Variants in SLC7A14 observed in about 807,000 individuals in gnomAD.
SLC7A14 encodes the protein gamma-aminobutyric acid transporter SLC7A14.
In SLC7A14, 37 loss-of-function variants were observed where a neutral mutation model predicts 60.2. The observed-to-expected ratio is 0.61, with a 90% CI of 0.47 to 0.81. The LOEUF is 0.81. Among genes scored for constraint, SLC7A14 ranks in the 30% least tolerant of loss-of-function variants. The pLI is 0.00. For synonymous variants in SLC7A14, 399 were observed against 395.8 expected, an observed-to-expected ratio of 1.01 and a Z score of -0.10; for missense variants, 886 against 982.7, an observed-to-expected ratio of 0.90 and a Z score of 1.32.
intron 7 of SLC7A14, among the ~76,000 whole-genome samples, chr3:170,469,823 A>G (rs1739834471): frequency 6.6e-6 from 1 of 151,798 alleles, no homozygotes; most frequent in Non-Finnish European, 1.5e-5. Flanking sequence ...TCATTTCCCT[A>G]CTGAACTTAA....
intron 7 of SLC7A14, among the ~76,000 whole-genome samples, chr3:170,470,618 CT>C (rs1365383353): frequency 6.6e-6 from 1 of 151,246 alleles, no homozygotes; most frequent in African/African-American, 2.4e-5. Context: ...GTGTGTCTAT[CT>C]TTCTTGCTGG....
chr3:170,566,583 C>T (rs769100278), intron 1 of SLC7A14, among the ~76,000 whole-genome samples: 6 of 152,236 alleles, frequency 3.9e-5, no homozygotes, highest in Non-Finnish European at 8.8e-5. Flanking sequence ...ATCCATCCCA[C>T]TCACTGTTGT....
chr3:170,472,561 C>T (rs1034995753), intron 7 of SLC7A14, among the ~76,000 whole-genome samples: 7 of 151,986 alleles, frequency 4.6e-5, no homozygotes, highest in Admixed American at 2.0e-4. Context: ...GTCAGGAGAT[C>T]GAGACCATCC....
intron 2 of SLC7A14, among the ~76,000 whole-genome samples, chr3:170,523,508 T>G (rs1291080463): frequency 6.6e-6 from 1 of 152,208 alleles, no homozygotes; most frequent in African/African-American, 2.4e-5. Flanking sequence ...TTCAGCACAG[T>G]TTAGTCTTCC....
Position 170,480,691 on chromosome 3 carries a change from T to A in SLC7A14, c.1591A>T (p.Ile531Phe), listed in dbSNP as rs768895376. Reference sequence around the variant, plus strand: ...GGCCCAATCAGCTTCTTTAACTTGATGAGATAAATATTTTCGGATTCATCA... The same window carrying A: ...GGCCCAATCAGCTTCTTTAACTTGAAGAGATAAATATTTTCGGATTCATCA... ...EADESENIYL[I>F]KLKKLIGPHY... Residue 531 changes from isoleucine (I) to phenylalanine (F), a missense_variant, in exon 7 of 8, where the codon ATC (isoleucine) becomes TTC (phenylalanine). Coordinates refer to ENST00000231706, the MANE Select transcript of SLC7A14 (RefSeq NM_020949.3). 6.2e-7 allele frequency: 1 copy of A among 1,613,944 alleles called. No homozygotes were observed. The highest frequency in any genetic ancestry group is 1.3e-5 in the African/African-American group (1 of 75,042).
At chr3:170,512,472 A>G (rs1713008710) in intron 2 of SLC7A14, among the ~76,000 whole-genome samples, 2 of 152,136 alleles carry the variant, frequency 1.3e-5, no homozygotes. Context: ...GGAGGCTTGC[A>G]GGAGAGAATC....
chr3:170,548,287 C>T (rs1336279382), intron 1 of SLC7A14, among the ~76,000 whole-genome samples: 1 of 152,038 alleles, frequency 6.6e-6, no homozygotes, highest in East Asian at 1.9e-4. Context: ...CCCAGTGCTT[C>T]TAGGTATTTT....
At chr3:170,580,107 T>C (rs1715196660) in intron 1 of SLC7A14, among the ~76,000 whole-genome samples, 1 of 152,120 alleles carries the variant, frequency 6.6e-6, no homozygotes, top group African/African-American at 2.4e-5. Flanking sequence ...GATAGACGAG[T>C]GTATGGCATG....
At chr3:170,556,984 G>T (rs546166218) in intron 1 of SLC7A14, among the ~76,000 whole-genome samples, 1 of 152,060 alleles carries the variant, frequency 6.6e-6, no homozygotes, top group Non-Finnish European at 1.5e-5. Flanking sequence ...AAAGTGGTGC[G>T]CATGAGGCTT....
intron 2 of SLC7A14, among the ~76,000 whole-genome samples, chr3:170,515,013 C>A (rs1414745853): frequency 1.3e-5 from 2 of 152,078 alleles, no homozygotes; most frequent in African/African-American, 2.4e-5. Flanking sequence ...ACATAACCCA[C>A]CTTGAAAATA....
At chr3:170,568,842 A>G (rs1714866727) in intron 1 of SLC7A14, among the ~76,000 whole-genome samples, 1 of 152,126 alleles carries the variant, frequency 6.6e-6, no homozygotes, top group African/African-American at 2.4e-5. Flanking sequence ...AATGCTTGTG[A>G]TTTTTGTACA....
At chr3:170,548,668 T>C (rs1714246931) in intron 1 of SLC7A14, among the ~76,000 whole-genome samples, 1 of 152,182 alleles carries the variant, frequency 6.6e-6, no homozygotes, top group African/African-American at 2.4e-5. Context: ...TGAGTCCACA[T>C]CTCTGGGAGT....
Position 170,526,964 on chromosome 3 carries a change from T to C in SLC7A14, c.-28A>G. 6.3e-7 allele frequency: 1 copy of C among 1,595,896 alleles called. No homozygotes were observed. The highest frequency in any genetic ancestry group is 8.5e-7 in the Non-Finnish European group (1 of 1,171,164). Reference sequence around the variant, plus strand: ...TGAGCGATAGGGGATGCAGTGAAGGTCAGCTGATGGAAGGGGGCTACAAAG... The same window carrying C: ...TGAGCGATAGGGGATGCAGTGAAGGCCAGCTGATGGAAGGGGGCTACAAAG... On this transcript the variant is annotated 5_prime_UTR_variant, in exon 2 of 8. Transcript: ENST00000231706.
intron 1 of SLC7A14, among the ~76,000 whole-genome samples, chr3:170,563,804 A>G (rs774334757): frequency 6.6e-6 from 1 of 151,966 alleles, no homozygotes; most frequent in African/African-American, 2.4e-5. Context: ...TAATACATGC[A>G]CCCTCTTTGG....
rs1022898337 is a variant in SLC7A14 at position 170,532,785 on chromosome 3, C to T, written c.-152-5697G>A. Among the ~76,000 whole-genome samples, 5 of 152,078 alleles carry T rather than the reference C, an allele frequency of 3.3e-5. No homozygotes were observed. Among genetic ancestry groups the T allele is most frequent in the Admixed American group, 3.3e-4 (5 of 15,268 alleles). On this transcript the variant is annotated intron_variant, in intron 1 of 7. Coordinates refer to ENST00000231706, the MANE Select transcript of SLC7A14 (RefSeq NM_020949.3). This position sits in a 1 kb window ranked among gnomAD's most constrained non-coding sequence, Gnocchi z 4.0. ...CCTGATGCCAAGTCCTTAATCAGGG[C>T]TTTTTTCTGTTGAACCTCCCCTGGG...
intron 6 of SLC7A14, among the ~76,000 whole-genome samples, chr3:170,482,096 G>C (rs1711848592): frequency 6.6e-6 from 1 of 152,150 alleles, no homozygotes. Context: ...GAGAAACTGT[G>C]CTCGTAGATA....
intron 1 of SLC7A14, among the ~76,000 whole-genome samples, chr3:170,544,131 T>C (rs1333420169): frequency 6.6e-6 from 1 of 152,092 alleles, no homozygotes; most frequent in Non-Finnish European, 1.5e-5. Context: ...GTGCTTAATT[T>C]GTATTGCCTG....
At chr3:170,562,208 C>T (rs1714672606) in intron 1 of SLC7A14, among the ~76,000 whole-genome samples, 1 of 152,158 alleles carries the variant, frequency 6.6e-6, no homozygotes, top group Non-Finnish European at 1.5e-5. Flanking sequence ...TAGAGCAGCA[C>T]AGTTCGCCAA....
chr3:170,568,265 A>G (rs1337425081), intron 1 of SLC7A14, among the ~76,000 whole-genome samples: 1 of 152,172 alleles, frequency 6.6e-6, no homozygotes, highest in Non-Finnish European at 1.5e-5. Context: ...TTAAATAGGG[A>G]ATCCTTTCCC....
Sources: gnomAD v4.1 joint callset for allele counts (sites outside exome capture counted in the v4.1 genomes callset) on GRCh38, gnomAD v4.1.1 for gene constraint, Gnocchi (gnomAD v3.1) non-coding constraint, MANE v1.5 for transcripts, NCBI Gene and HGNC (gene_info 2026-07-23, HGNC 2026-07-21) for gene names.